Variants in SEPTIN7 observed in about 807,000 individuals in gnomAD.
SEPTIN7 encodes the protein septin-7.
In SEPTIN7, 10 loss-of-function variants were observed where a neutral mutation model predicts 63.3. The ratio of observed to expected loss-of-function variants is 0.16; its 90% confidence interval spans 0.10 to 0.27. SEPTIN7 has a LOEUF of 0.27. Among genes scored for constraint, SEPTIN7 ranks in the 10% least tolerant of loss-of-function variants. The probability of loss-of-function intolerance (pLI) is 1.00; values close to 1 mark genes in which losing one functional copy is unlikely to be tolerated. For synonymous variants in SEPTIN7, 131 were observed against 165.3 expected (o/e 0.79, Z 1.59); for missense variants, 310 against 521.0 (o/e 0.59, Z 3.94).
chr7:35,880,919 G>T lies in SEPTIN7; in HGVS notation c.630+979G>T, dbSNP rs1786836378. 2.0e-5 allele frequency among the ~76,000 whole-genome samples: 3 copies of T among 151,970 alleles called. No homozygotes were observed. In the South Asian group the frequency reaches 6.2e-4, roughly 31 times the overall value. On this transcript the variant is annotated intron_variant, in intron 7 of 13. Coordinates refer to ENST00000350320, the MANE Select transcript of SEPTIN7 (RefSeq NM_001788.6). Reference sequence around the variant, plus strand: ...TATATTACATTTTATGAAATGTAAGGTCAATTCTGGAACCTTTCTCTATTC... The same window carrying T: ...TATATTACATTTTATGAAATGTAAGTTCAATTCTGGAACCTTTCTCTATTC...
chr7:35,891,808 T>C (rs1459285176), intron 11 of SEPTIN7, among the ~76,000 whole-genome samples: 1 of 152,206 alleles, frequency 6.6e-6, no homozygotes, highest in African/African-American at 2.4e-5. Context: ...TAAAAAACTT[T>C]TTGGTTCTTT....
At chr7:35,847,816 A>T (rs1407616350) in intron 3 of SEPTIN7, 23 of 152,246 alleles carry the variant, frequency 1.5e-4, no homozygotes. Context: ...CTTAGGGGAT[A>T]CGTTTTGGTA....
intron 3 of SEPTIN7, among the ~76,000 whole-genome samples, chr7:35,845,611 A>G (rs1784620672): frequency 1.3e-5 from 2 of 152,198 alleles, no homozygotes; most frequent in South Asian, 4.1e-4. Flanking sequence ...TTAAAAACAC[A>G]ATATGACTTT....
intron 6 of SEPTIN7, among the ~76,000 whole-genome samples, chr7:35,874,603 CACATT>C (rs1441057315): frequency 2.0e-5 from 3 of 152,114 alleles, no homozygotes; most frequent in Non-Finnish European, 4.4e-5. Context: ...ATCTAACACT[CACATT>C]ACAGTAGTGT....
At chr7:35,809,683 C>T (rs1160241544) in intron 1 of SEPTIN7, among the ~76,000 whole-genome samples, 1 of 152,118 alleles carries the variant, frequency 6.6e-6, no homozygotes, top group African/African-American at 2.4e-5. Context: ...GATAATTATT[C>T]TAGACTGAGA....
chr7:35,891,469 G>C (rs571248622), intron 11 of SEPTIN7, among the ~76,000 whole-genome samples: 1 of 152,232 alleles, frequency 6.6e-6, no homozygotes, highest in East Asian at 1.9e-4. Flanking sequence ...GCATGTTACT[G>C]TACTGAATGT....
At chr7:35,833,381 A>G (rs1487842007) in intron 3 of SEPTIN7, among the ~76,000 whole-genome samples, 1 of 152,012 alleles carries the variant, frequency 6.6e-6, no homozygotes, top group Non-Finnish European at 1.5e-5. Flanking sequence ...TGAGTAAAAT[A>G]TGACTCTCCT....
intron 3 of SEPTIN7, among the ~76,000 whole-genome samples, chr7:35,858,793 G>A (rs1305520446): frequency 1.3e-5 from 2 of 150,904 alleles, no homozygotes; most frequent in African/African-American, 4.9e-5. Flanking sequence ...CGATTCTCCT[G>A]CCTCAGCCTC....
At chr7:35,881,547 G>A (rs796789275) in intron 7 of SEPTIN7, among the ~76,000 whole-genome samples, 33 of 149,634 alleles carry the variant, frequency 2.2e-4, no homozygotes, top group Middle Eastern at 3.5e-3. Flanking sequence ...TAAAAGAAGT[G>A]TGGTCCTATT....
intron 3 of SEPTIN7, among the ~76,000 whole-genome samples, chr7:35,839,357 C>A (rs1468394089): frequency 7.2e-5 from 11 of 152,102 alleles, no homozygotes; most frequent in Non-Finnish European, 1.6e-4. Flanking sequence ...GATATTTTAC[C>A]ATTGCTTCAT....
In SEPTIN7 at chr7:35,832,859, A is replaced by G; in HGVS notation, c.128A>G (p.Lys43Arg). Reference protein sequence around the residue: ...FANLPNQVYRKSVKRGFEFTL... With the variant: ...FANLPNQVYRRSVKRGFEFTL... The stretch of plus-strand genomic sequence containing the variant: ...AATCTCCCAAATCAAGTATACAGAA[A>G]ATCGGTGAAGAGAGGTTTTGAATTC... Residue 43 changes from lysine to arginine, a missense_variant, in exon 3 of 14, where the codon AAA (lysine) becomes AGA (arginine). This residue lies in a region of SEPTIN7 where 255 missense variants were observed against 490.5 expected (regional missense o/e 0.52). Coordinates refer to ENST00000350320, the MANE Select transcript of SEPTIN7 (RefSeq NM_001788.6). The G allele has an allele frequency of 6.2e-7, 1 of 1,611,206 alleles. No individual in the cohort carries two copies. Among genetic ancestry groups the G allele is most frequent in the Non-Finnish European group, 8.5e-7 (1 of 1,177,528 alleles).
At chr7:35,852,681 T>TA (rs1349696727) in intron 3 of SEPTIN7, among the ~76,000 whole-genome samples, 3 of 152,150 alleles carry the variant, frequency 2.0e-5, no homozygotes, top group Non-Finnish European at 4.4e-5. Context: ...TTATGGGAAA[T>TA]AAACTATTTT....
intron 9 of SEPTIN7, 93 bp from the exon 10 acceptor site, chr7:35,885,735 C>T (rs1335635572): frequency 1.1e-6 from 1 of 946,620 alleles, no homozygotes; most frequent in Admixed American, 2.1e-5. Flanking sequence ...ATTTCCTCTT[C>T]TTGTTTTTAC....
rs182642735 is a variant in SEPTIN7, at chr7:35,896,075, C to T, written c.999-2173C>T. On this transcript the variant is annotated intron_variant, in intron 11 of 13. Transcript: ENST00000350320. ...CTGCCTGCCTTGGCCTCCCAAACTG[C>T]TAGCATTACAGGTGTGAACCACCGT... 5.2e-4 allele frequency among the ~76,000 whole-genome samples: 79 copies of T among 152,330 alleles called. 1 individual carries two copies. The highest frequency in any genetic ancestry group is 4.6e-3 in the Admixed American group (71 of 15,304).
At chr7:35,868,180 G>A (rs549548881) in intron 4 of SEPTIN7, among the ~76,000 whole-genome samples, 2 of 152,170 alleles carry the variant, frequency 1.3e-5, no homozygotes, top group Admixed American at 1.3e-4. Context: ...GGTCCCTGAA[G>A]TTTTGTAAAT....
chr7:35,866,162 G>A (rs1167685924), intron 4 of SEPTIN7, among the ~76,000 whole-genome samples: 1 of 152,120 alleles, frequency 6.6e-6, no homozygotes, highest in Non-Finnish European at 1.5e-5. Flanking sequence ...AACCATGGAG[G>A]TGTATTCTTT....
intron 10 of SEPTIN7, chr7:35,890,414 CTG>C: frequency 4.6e-6 from 1 of 218,022 alleles, no homozygotes; most frequent in Non-Finnish European, 8.9e-6. Flanking sequence ...CCTTCAGTAA[CTG>C]TTTTTGGGGA....
the SEPTIN7 span, among the ~76,000 whole-genome samples, chr7:35,912,513 CT>C: frequency 1.3e-5 from 2 of 152,206 alleles, no homozygotes; most frequent in South Asian, 4.1e-4. Flanking sequence ...GCTCTCAGCT[CT>C]GAAGGCTGTG....
chr7:35,822,276 G>T (rs1434972275), intron 1 of SEPTIN7, among the ~76,000 whole-genome samples: 1 of 149,542 alleles, frequency 6.7e-6, no homozygotes, highest in African/African-American at 2.5e-5. Flanking sequence ...TGCCCAGGGT[G>T]GTCTTGAACT....
Sources: allele counts gnomAD v4.1 joint callset (sites outside exome capture counted in the v4.1 genomes callset), GRCh38; gene constraint gnomAD v4.1.1; regional missense constraint gnomAD v4.1.1; transcripts MANE v1.5; gene names NCBI Gene and HGNC (gene_info 2026-07-23, HGNC 2026-07-21).